EXOC6B: variants seen among roughly 807,000 people sequenced by gnomAD.
EXOC6B encodes the protein SEC15 homolog B.
A neutral mutation model predicts 113.5 loss-of-function variants in EXOC6B; 54 were observed. The observed-to-expected ratio is 0.48, with a 90% CI of 0.38 to 0.60. The LOEUF (loss-of-function observed/expected upper bound fraction) is 0.60. Among genes scored for constraint, EXOC6B ranks in the 20% least tolerant of loss-of-function variants. The pLI is 0.00. For missense variants in EXOC6B, 797 were observed against 977.5 expected (o/e 0.82, Z 2.46); for synonymous variants, 357 against 339.0 (o/e 1.05, Z -0.58).
intron 16 of EXOC6B, among the ~76,000 whole-genome samples, chr2:72,485,930 G>A (rs974930289): frequency 6.6e-6 from 1 of 152,116 alleles, no homozygotes; most frequent in Non-Finnish European, 1.5e-5. Flanking sequence ...AAGGAACTCT[G>A]AACTTCTTTC....
intron 6 of EXOC6B, among the ~76,000 whole-genome samples, chr2:72,632,335 G>T (rs1191566621): frequency 6.6e-6 from 1 of 152,094 alleles, no homozygotes; most frequent in Non-Finnish European, 1.5e-5. Context: ...CTCTCTGAAA[G>T]AATCAGTAAA....
chr2:72,321,942 A>T (rs548011848), intron 20 of EXOC6B, among the ~76,000 whole-genome samples: 2 of 152,314 alleles, frequency 1.3e-5, no homozygotes, highest in African/African-American at 4.8e-5. Flanking sequence ...GTTGAAGAGG[A>T]TGTGAAACAA....
intron 1 of EXOC6B, among the ~76,000 whole-genome samples, chr2:72,748,035 A>G (rs1181142017): frequency 6.6e-6 from 1 of 152,026 alleles, no homozygotes; most frequent in Non-Finnish European, 1.5e-5. Context: ...ATGAAGATGG[A>G]AAAAGGTAGG....
chr2:72,711,257 A>G (rs2104689822), intron 6 of EXOC6B, among the ~76,000 whole-genome samples: 1 of 152,280 alleles, frequency 6.6e-6, no homozygotes, highest in East Asian at 1.9e-4. Flanking sequence ...GGAAACACAC[A>G]GGAAGAAGAT....
At chr2:72,242,144 A>G (rs1682352458) in intron 20 of EXOC6B, among the ~76,000 whole-genome samples, 1 of 152,220 alleles carries the variant, frequency 6.6e-6, no homozygotes, top group African/African-American at 2.4e-5. Flanking sequence ...GTGAGCTATC[A>G]TCGTGCCACT....
chr2:72,769,824 A>T (rs1164703745), intron 1 of EXOC6B, among the ~76,000 whole-genome samples: 1 of 151,262 alleles, frequency 6.6e-6, no homozygotes, highest in Non-Finnish European at 1.5e-5. Context: ...AAATAAAATA[A>T]AATAAAATAG....
At chr2:72,776,491 C>T (rs779316597) in intron 1 of EXOC6B, among the ~76,000 whole-genome samples, 1 of 152,012 alleles carries the variant, frequency 6.6e-6, no homozygotes, top group African/African-American at 2.4e-5. Context: ...GGGGCACACA[C>T]CTGTAGTCCC....
At chr2:72,421,467 C>T (rs1267743332) in intron 18 of EXOC6B, among the ~76,000 whole-genome samples, 2 of 152,082 alleles carry the variant, frequency 1.3e-5, no homozygotes, top group African/African-American at 4.8e-5. Flanking sequence ...TTAATAAATT[C>T]CAAAGCAAAT....
chr2:72,236,501 T>C (rs1008345691), intron 20 of EXOC6B, among the ~76,000 whole-genome samples: 2 of 152,104 alleles, frequency 1.3e-5, no homozygotes, highest in African/African-American at 4.8e-5. Flanking sequence ...TCAATACACT[T>C]CCCAGCAAGA....
At chr2:72,822,186 C>T (rs1298577606) in intron 1 of EXOC6B, among the ~76,000 whole-genome samples, 7 of 152,088 alleles carry the variant, frequency 4.6e-5, no homozygotes, top group Admixed American at 3.9e-4. Flanking sequence ...AATGATTTGT[C>T]ATCAAAATTT....
At chr2:72,205,780 A>T (rs1195008775) in intron 20 of EXOC6B, among the ~76,000 whole-genome samples, 1 of 152,232 alleles carries the variant, frequency 6.6e-6, no homozygotes, top group Non-Finnish European at 1.5e-5. Flanking sequence ...AGAATCAGCC[A>T]GGAGTCAAAA....
intron 2 of EXOC6B, among the ~76,000 whole-genome samples, chr2:72,736,505 A>G (rs759417278): frequency 6.6e-6 from 1 of 152,158 alleles, no homozygotes; most frequent in African/African-American, 2.4e-5. Flanking sequence ...CTGCCCTCAA[A>G]GTAACTGGGT....
chr2:72,719,700 A>G (rs1414189912), intron 5 of EXOC6B, among the ~76,000 whole-genome samples: 2 of 152,234 alleles, frequency 1.3e-5, no homozygotes, highest in Non-Finnish European at 2.9e-5. Flanking sequence ...GACTATTTAA[A>G]AATCAAAGTG....
intron 1 of EXOC6B, among the ~76,000 whole-genome samples, chr2:72,796,453 C>CAA (rs61374385): frequency 5.6e-5 from 3 of 54,022 alleles, no homozygotes; most frequent in African/African-American, 2.1e-4. Context: ...ACTCCATCTC[C>CAA]AAAAAAAAAA....
intron 20 of EXOC6B, among the ~76,000 whole-genome samples, chr2:72,239,666 A>T (rs575955672): frequency 6.6e-6 from 1 of 152,182 alleles, no homozygotes; most frequent in African/African-American, 2.4e-5. Flanking sequence ...CTTTGTTTCC[A>T]TATTAAGATC....
rs1014013820 is a variant in EXOC6B at position 72,443,123 on chromosome 2, G to A, written c.1980+22037C>T. ...GGGTGGGTCACTAGGTCAGGAGTTC[G>A]AGACCAGCCTGGCCAATATGATGAA... On this transcript the variant is annotated intron_variant, in intron 18 of 21. Coordinates refer to ENST00000272427, the MANE Select transcript of EXOC6B (RefSeq NM_015189.3). Among the ~76,000 whole-genome samples, 11 of 151,892 alleles carry A rather than the reference G, an allele frequency of 7.2e-5. No homozygotes were observed. The East Asian group carries it at 9.7e-4, about 13-fold the overall frequency.
At chr2:72,722,071 A>C (rs1023670669) in intron 5 of EXOC6B, 1 of 152,022 alleles carries the variant, frequency 6.6e-6, no homozygotes, top group South Asian at 2.1e-4. Flanking sequence ...ATACTTACAC[A>C]TATAAATTAT....
At chr2:72,689,835 G>C (rs530929126) in intron 6 of EXOC6B, among the ~76,000 whole-genome samples, 1 of 152,288 alleles carries the variant, frequency 6.6e-6, no homozygotes, top group East Asian at 1.9e-4. Context: ...TAAGTTTTCT[G>C]GGACAATTAA....
chr2:72,635,584 A>G, intron 6 of EXOC6B, among the ~76,000 whole-genome samples: 1 of 152,176 alleles, frequency 6.6e-6, no homozygotes, highest in South Asian at 2.1e-4. Context: ...CCCCTTAAAA[A>G]ATCTCCAGGT....
Sources: allele counts gnomAD v4.1 joint callset (sites outside exome capture counted in the v4.1 genomes callset), GRCh38; gene constraint gnomAD v4.1.1; transcripts MANE v1.5; gene names NCBI Gene and HGNC (gene_info 2026-07-23, HGNC 2026-07-21).